Variants in ADAD1 observed in about 807,000 individuals in gnomAD.
ADAD1 encodes the protein adenosine deaminase domain containing 1.
ADAD1 carries 46 observed loss-of-function variants against 66.8 expected under a neutral mutation model. The ratio of observed to expected loss-of-function variants is 0.69; its 90% CI spans 0.54 to 0.88. ADAD1 has a LOEUF of 0.88. Among genes scored for constraint, ADAD1 ranks in the 40% least tolerant of loss-of-function variants. ADAD1 has a pLI of 0.00. For synonymous variants in ADAD1, 248 were observed against 229.4 expected, an observed-to-expected ratio of 1.08 and a Z score of -0.73; for missense variants, 617 against 681.8, an observed-to-expected ratio of 0.91 and a Z score of 1.06.
At chr4:122,391,916 C>A (rs549787176) in intron 5 of ADAD1, among the ~76,000 whole-genome samples, 1 of 152,154 alleles carries the variant, frequency 6.6e-6, no homozygotes, top group African/African-American at 2.4e-5. Context: ...CGCCATGTTG[C>A]CCAGGCTGGT....
chr4:122,418,619 G>A (rs903732258), intron 11 of ADAD1, among the ~76,000 whole-genome samples: 9 of 152,042 alleles, frequency 5.9e-5, no homozygotes, highest in African/African-American at 2.2e-4. Flanking sequence ...ACCAATAAAC[G>A]TTATTTTCAT....
rs541804111 is a variant in ADAD1 at position 122,418,524 on chromosome 4, G to A, written c.1488-2737G>A. Among the ~76,000 whole-genome samples, 343 of 152,030 alleles carry A rather than the reference G, an allele frequency of 2.3e-3. 1 individual carries two copies. Among genetic ancestry groups the A allele is most frequent in the African/African-American group, 7.6e-3 (314 of 41,514 alleles). On this transcript the variant is annotated intron_variant, in intron 11 of 12. Coordinates refer to ENST00000296513, the MANE Select transcript of ADAD1 (RefSeq NM_139243.4). The stretch of plus-strand genomic sequence containing the variant: ...TTTTTAGTAGAAAGGAGGTTTCACC[G>A]TGTTATCCAGGATGGTCTCTATCTC...
chr4:122,417,638 G>A (rs1035361439), intron 11 of ADAD1, among the ~76,000 whole-genome samples: 6 of 152,068 alleles, frequency 3.9e-5, no homozygotes, highest in Admixed American at 6.6e-5. Flanking sequence ...AGATATAGCC[G>A]TTTTAAATAA....
chr4:122,411,075 T>A, intron 8 of ADAD1, 147 bp from the exon 9 acceptor site: 1 of 610,664 alleles, frequency 1.6e-6, no homozygotes, highest in Non-Finnish European at 2.6e-6. Context: ...TTTCATTAAA[T>A]AAAGCTAAGA....
chr4:122,407,940 G>A lies in ADAD1; in HGVS notation c.757G>A (p.Gly253Ser). 1 of 1,613,744 alleles carries A rather than the reference G, an allele frequency of 6.2e-7. No homozygotes were observed. Among genetic ancestry groups the A allele is most frequent in the Non-Finnish European group, 8.5e-7 (1 of 1,179,784 alleles). ...ACATGAGGTTGTAGCTATAGGCACA[G>A]GTGAATACAATTACAGCCAGGACAT... Reference protein sequence around the residue: ...GQHEVVAIGTGEYNYSQDIKP... With the variant: ...GQHEVVAIGTSEYNYSQDIKP... Residue 253 changes from glycine (G) to serine (S), a missense_variant, in exon 8 of 13, where the codon GGT becomes AGT. Transcript: ENST00000296513.
intron 10 of ADAD1, among the ~76,000 whole-genome samples, chr4:122,415,151 A>G (rs1477960403): frequency 2.6e-5 from 4 of 152,106 alleles, no homozygotes; most frequent in African/African-American, 9.7e-5. Flanking sequence ...GGGACCTGTC[A>G]TTATTTTCTG....
intron 11 of ADAD1, among the ~76,000 whole-genome samples, chr4:122,417,455 A>C (rs1264816022): frequency 6.6e-6 from 1 of 152,176 alleles, no homozygotes; most frequent in African/African-American, 2.4e-5. Flanking sequence ...AGTATAATTT[A>C]TACGGAAGAC....
At chr4:122,408,636 A>G (rs1796331485) in intron 8 of ADAD1, among the ~76,000 whole-genome samples, 1 of 152,122 alleles carries the variant, frequency 6.6e-6, no homozygotes, top group Non-Finnish European at 1.5e-5. Context: ...TGTAATCCCA[A>G]CACTTTGGGA....
intron 8 of ADAD1, 111 bp from the exon 9 acceptor site, chr4:122,411,111 C>T: frequency 1.1e-6 from 1 of 872,250 alleles, no homozygotes; most frequent in Non-Finnish European, 1.7e-6. Context: ...TTACCTGTGT[C>T]AAAACTTTTA....
chr4:122,404,277 C>T (rs528707905), intron 7 of ADAD1, among the ~76,000 whole-genome samples: 6 of 152,290 alleles, frequency 3.9e-5, no homozygotes, highest in Admixed American at 2.6e-4. Flanking sequence ...AGCCCCTTCC[C>T]AGTCCCACTG....
intron 8 of ADAD1, among the ~76,000 whole-genome samples, chr4:122,409,147 AG>A (rs1405719108): frequency 1.3e-5 from 2 of 152,162 alleles, no homozygotes; most frequent in Non-Finnish European, 2.9e-5. Flanking sequence ...GAGGGAGAAA[AG>A]GGCTTAGGTG....
At chr4:122,419,995 T>G (rs1343602485) in intron 11 of ADAD1, among the ~76,000 whole-genome samples, 2 of 152,152 alleles carry the variant, frequency 1.3e-5, no homozygotes, top group Non-Finnish European at 2.9e-5. Context: ...CTGTTATTGC[T>G]GTTACTCAGC....
intron 7 of ADAD1, among the ~76,000 whole-genome samples, chr4:122,406,961 T>C (rs539560695): frequency 3.9e-5 from 6 of 152,242 alleles, no homozygotes; most frequent in African/African-American, 1.4e-4. Context: ...TTTCTGTTTC[T>C]TCTGCTGTAA....
At chr4:122,425,289 TA>T (rs1370779783) in intron 12 of ADAD1, among the ~76,000 whole-genome samples, 1 of 152,056 alleles carries the variant, frequency 6.6e-6, no homozygotes, top group African/African-American at 2.4e-5. Context: ...GCATAGGTCA[TA>T]AAACAAGTCT....
chr4:122,379,776 C>A (rs1580726711), intron 2 of ADAD1: 1 of 266,230 alleles, frequency 3.8e-6, no homozygotes, highest in Non-Finnish European at 7.0e-6. Flanking sequence ...TAATATCTTC[C>A]CTAACTCCTG....
intron 10 of ADAD1, among the ~76,000 whole-genome samples, chr4:122,414,046 A>G (rs1342984703): frequency 6.6e-6 from 1 of 150,604 alleles, no homozygotes; most frequent in Non-Finnish European, 1.5e-5. Flanking sequence ...ATTGAGCCTC[A>G]AGATGTATTA....
At chr4:122,399,451 T>C (rs1308265002) in intron 7 of ADAD1, among the ~76,000 whole-genome samples, 1 of 152,096 alleles carries the variant, frequency 6.6e-6, no homozygotes, top group Admixed American at 6.6e-5. Flanking sequence ...TTTTGATTAG[T>C]CTTACTTAGA....
rs370372719 is a variant in ADAD1, at chr4:122,409,875, TC to T, written c.849-1346del. Among the ~76,000 whole-genome samples, 153 of 152,182 alleles carry T rather than the reference TC, an allele frequency of 1.0e-3. 2 individuals carry two copies. The highest frequency in any genetic ancestry group is 3.4e-3 in the African/African-American group (141 of 41,510). On this transcript the variant is annotated intron_variant, in intron 8 of 12. Transcript: ENST00000296513. ...CCACCATACCCGGCCTTTTTTTGTA[TC>T]TTTAGTAGAGAATGTTGCTGGTCTT...
chr4:122,409,471 A>G (rs916779801), intron 8 of ADAD1, among the ~76,000 whole-genome samples: 7 of 152,166 alleles, frequency 4.6e-5, no homozygotes, highest in Non-Finnish European at 8.8e-5. Flanking sequence ...AGTGCATAAT[A>G]GTCACTTTAG....
Sources: gnomAD v4.1 joint callset for allele counts (sites outside exome capture counted in the v4.1 genomes callset) on GRCh38, gnomAD v4.1.1 for gene constraint, MANE v1.5 for transcripts, NCBI Gene and HGNC (gene_info 2026-07-23, HGNC 2026-07-21) for gene names.